Variants in NR3C2 observed in about 807,000 individuals in gnomAD.
The protein encoded by NR3C2 is mineralocorticoid receptor.
A neutral mutation model predicts 86.4 loss-of-function variants in NR3C2; 15 were observed. The observed-to-expected ratio is 0.17, with a 90% CI of 0.12 to 0.27. The LOEUF is 0.27. Among genes scored for constraint, NR3C2 ranks in the 10% least tolerant of loss-of-function variants. The probability of loss-of-function intolerance (pLI) is 1.00; values close to 1 mark genes in which losing one functional copy is unlikely to be tolerated. For synonymous variants in NR3C2, 458 were observed against 450.5 expected (o/e 1.02, Z -0.21); for missense variants, 960 against 1,195.6 (o/e 0.80, Z 2.91).
In NR3C2 at chr4:148,280,804, C is replaced by G. The variant is rs1057456766; in HGVS notation, c.1758-20687G>C. On this transcript the variant is annotated intron_variant, in intron 2 of 8. Coordinates refer to ENST00000358102, the MANE Select transcript of NR3C2 (RefSeq NM_000901.5). ...TACAAGTGTGCACCACTGCACCTAG[C>G]CTAATTCCGTTTTAGAATGCGTATA... Among the ~76,000 whole-genome samples the G allele has an allele frequency of 2.6e-5, 4 of 152,182 alleles. No individual in the cohort carries two copies. The East Asian group carries it at 7.7e-4, about 29-fold the overall frequency.
chr4:148,177,297 A>G (rs766195213), intron 4 of NR3C2, among the ~76,000 whole-genome samples: 2 of 152,248 alleles, frequency 1.3e-5, no homozygotes, highest in African/African-American at 2.4e-5. Flanking sequence ...CTTTTAAGGT[A>G]TATTATCTGT....
intron 2 of NR3C2, among the ~76,000 whole-genome samples, chr4:148,325,148 G>C (rs960259989): frequency 1.5e-5 from 2 of 135,914 alleles, no homozygotes; most frequent in Admixed American, 1.4e-4. Flanking sequence ...GAGAGAGAGA[G>C]AGACAGAGTG....
In NR3C2 at chr4:148,114,183, A is replaced by G. The variant is rs761242317; in HGVS notation, c.2720T>C (p.Val907Ala). Residue 907 changes from valine (V) to alanine (A), a missense_variant, in exon 8 of 9, where the codon GTA becomes GCA. This residue lies in a region of NR3C2 where 151 missense variants were observed against 296.3 expected (regional missense o/e 0.51). Coordinates refer to ENST00000358102, the MANE Select transcript of NR3C2 (RefSeq NM_000901.5). ...CCCAGAATTGTTGGGACACTTAGTT[A>G]CCATCTTCCTCAGTTCTTTGATGTA... ...TNYIKELRKM[V>A]TKCPNNSGQS... 6.2e-7 allele frequency: 1 copy of G among 1,613,888 alleles called. No homozygotes were observed. The highest frequency in any genetic ancestry group is 1.3e-5 in the African/African-American group (1 of 74,982).
intron 2 of NR3C2, among the ~76,000 whole-genome samples, chr4:148,416,812 G>T (rs933318009): frequency 3.3e-5 from 5 of 150,792 alleles, no homozygotes; most frequent in African/African-American, 1.2e-4. Context: ...TTTTGCTCTT[G>T]TTGCCCAGGC....
chr4:148,348,017 T>C (rs1351473656), intron 2 of NR3C2, among the ~76,000 whole-genome samples: 1 of 152,132 alleles, frequency 6.6e-6, no homozygotes, highest in African/African-American at 2.4e-5. Flanking sequence ...ATCAGGATTA[T>C]AAATTATCCC....
intron 3 of NR3C2, among the ~76,000 whole-genome samples, chr4:148,245,539 T>C (rs1199825892): frequency 6.6e-6 from 1 of 152,174 alleles, no homozygotes; most frequent in Non-Finnish European, 1.5e-5. Flanking sequence ...TCACAGAATG[T>C]CCATTTTGGT....
intron 4 of NR3C2, among the ~76,000 whole-genome samples, chr4:148,177,491 G>A (rs73853787): frequency 0.027 from 4,154 of 152,220 alleles, 194 homozygotes; most frequent in African/African-American, 0.092. Flanking sequence ...ACATAATTCA[G>A]TGTGAAAATG....
chr4:148,284,482 C>T (rs1184537975), intron 2 of NR3C2, among the ~76,000 whole-genome samples: 1 of 152,168 alleles, frequency 6.6e-6, no homozygotes, highest in African/African-American at 2.4e-5. Flanking sequence ...TTCAGTAACA[C>T]TAGCAATTTT....
In NR3C2 at chr4:148,223,015, G is replaced by A. The variant is rs115600273; in HGVS notation, c.1898-28153C>T. On this transcript the variant is annotated intron_variant, in intron 3 of 8. Coordinates refer to ENST00000358102, the MANE Select transcript of NR3C2 (RefSeq NM_000901.5). ...CAAAACAAAACAAAAATGTGGTAAA[G>A]ATAATATGGGCAATGGAGCAAATGG... Among the ~76,000 whole-genome samples the A allele has an allele frequency of 6.3e-3, 966 of 152,224 alleles. 6 individuals are homozygous for A. The highest frequency in any genetic ancestry group is 0.022 in the African/African-American group (915 of 41,542).
intron 4 of NR3C2, among the ~76,000 whole-genome samples, chr4:148,179,454 C>T (rs1225680543): frequency 1.3e-5 from 2 of 151,676 alleles, no homozygotes; most frequent in African/African-American, 4.8e-5. Context: ...ATTTTTCCAA[C>T]ATCCCTGAAT....
chr4:148,098,902 T>C (rs1731414519), intron 8 of NR3C2, among the ~76,000 whole-genome samples: 6 of 152,242 alleles, frequency 3.9e-5, no homozygotes, highest in African/African-American at 1.2e-4. Context: ...TCACTCCTTA[T>C]GAAATTCCTT....
chr4:148,177,057 A>AT (rs986147261), intron 4 of NR3C2, among the ~76,000 whole-genome samples: 36 of 152,194 alleles, frequency 2.4e-4, no homozygotes, highest in Non-Finnish European at 4.4e-4. Flanking sequence ...TAGTGAAGCC[A>AT]TTTTTATTAG....
chr4:148,343,758 C>T (rs956111311), intron 2 of NR3C2, among the ~76,000 whole-genome samples: 56 of 152,046 alleles, frequency 3.7e-4, no homozygotes, highest in South Asian at 1.2e-3. Context: ...CAAACTCACA[C>T]GCACAAACAC....
intron 6 of NR3C2, among the ~76,000 whole-genome samples, chr4:148,145,665 C>A (rs1322865433): frequency 6.6e-6 from 1 of 152,186 alleles, no homozygotes; most frequent in Non-Finnish European, 1.5e-5. Flanking sequence ...AGCACTTGTG[C>A]CACCTGCAGG....
chr4:148,216,428 G>T (rs534345287), intron 3 of NR3C2, among the ~76,000 whole-genome samples: 1 of 152,198 alleles, frequency 6.6e-6, no homozygotes, highest in Non-Finnish European at 1.5e-5. Context: ...TTACGTATGA[G>T]AACACTGAGG....
intron 2 of NR3C2, among the ~76,000 whole-genome samples, chr4:148,263,930 G>A (rs1220334623): frequency 1.3e-5 from 2 of 152,020 alleles, no homozygotes; most frequent in Admixed American, 6.6e-5. Context: ...CTAATCCCTC[G>A]AGGGCAAAAA....
chr4:148,348,614 C>T (rs10519959), intron 2 of NR3C2, among the ~76,000 whole-genome samples: 45,241 of 151,862 alleles, frequency 0.3, 7,307 homozygotes, highest in Middle Eastern at 0.41. Flanking sequence ...TTATGAACTC[C>T]AATTTTTGTA....
intron 2 of NR3C2, among the ~76,000 whole-genome samples, chr4:148,417,689 A>G (rs1382046462): frequency 6.6e-6 from 1 of 152,206 alleles, no homozygotes; most frequent in Non-Finnish European, 1.5e-5. Flanking sequence ...AAACCCACAG[A>G]GCAAAAACTC....
At chr4:148,205,061 TTG>T (rs1736934672) in intron 3 of NR3C2, among the ~76,000 whole-genome samples, 2 of 152,208 alleles carry the variant, frequency 1.3e-5, no homozygotes, top group African/African-American at 4.8e-5. Context: ...TTCAAACTAT[TTG>T]TTAAGATTTG....
Sources: gnomAD v4.1 joint callset for allele counts (sites outside exome capture counted in the v4.1 genomes callset) on GRCh38, gnomAD v4.1.1 for gene constraint, gnomAD v4.1.1 regional missense constraint, MANE v1.5 for transcripts, NCBI Gene and HGNC (gene_info 2026-07-23, HGNC 2026-07-21) for gene names.